Variants in FAM13A observed in about 807,000 individuals in gnomAD.
FAM13A encodes the protein protein FAM13A.
In FAM13A, 76 loss-of-function variants were observed where a neutral mutation model predicts 129.6. The observed-to-expected ratio is 0.59, with a 90% CI of 0.49 to 0.71. FAM13A has a LOEUF of 0.71. Among genes scored for constraint, FAM13A ranks in the 30% least tolerant of loss-of-function variants. FAM13A has a pLI of 0.00. For synonymous variants in FAM13A, 443 were observed against 449.9 expected (o/e 0.98, Z 0.20); for missense variants, 1,108 against 1,249.3 (o/e 0.89, Z 1.70).
intron 6 of FAM13A, among the ~76,000 whole-genome samples, chr4:88,895,084 T>C (rs978140781): frequency 3.3e-5 from 5 of 152,138 alleles, no homozygotes; most frequent in Non-Finnish European, 5.9e-5. Flanking sequence ...TGAAATACTA[T>C]GATTATTAGA....
At chr4:88,851,207 T>C (rs746933799) in intron 6 of FAM13A, 24 bp from the exon 7 acceptor site, 1 of 1,528,192 alleles carries the variant, frequency 6.5e-7, no homozygotes, top group South Asian at 1.3e-5. Flanking sequence ...AAAAGAGGGG[T>C]GGGGGAGAGC....
chr4:88,921,342 C>T (rs1751047854), intron 5 of FAM13A, among the ~76,000 whole-genome samples: 1 of 152,212 alleles, frequency 6.6e-6, no homozygotes, highest in Non-Finnish European at 1.5e-5. Context: ...ATCAGACTAA[C>T]AGCGGATCTC....
intron 8 of FAM13A, among the ~76,000 whole-genome samples, chr4:88,803,820 C>T (rs974593247): frequency 3.3e-5 from 5 of 152,200 alleles, no homozygotes; most frequent in Admixed American, 3.3e-4. Context: ...TTCGCTAAGC[C>T]TGAAGTCCTA....
intron 4 of FAM13A, among the ~76,000 whole-genome samples, chr4:88,970,685 C>T (rs184257497): frequency 6.7e-4 from 101 of 151,738 alleles, no homozygotes; most frequent in Admixed American, 3.3e-3. Context: ...TGCTAAATAA[C>T]GTAGAGGTTA....
intron 1 of FAM13A, among the ~76,000 whole-genome samples, chr4:89,037,695 T>C (rs1229760701): frequency 6.6e-6 from 1 of 152,176 alleles, no homozygotes; most frequent in African/African-American, 2.4e-5. Context: ...CATCTTGAAT[T>C]GTAATCCCCA....
At position 88,994,013 on chromosome 4, in the gene FAM13A, T is replaced by G. The variant is rs1579672119; in HGVS notation, c.428-2863A>C. Among the ~76,000 whole-genome samples, 5 of 151,762 alleles carry G rather than the reference T, an allele frequency of 3.3e-5. No individual in the cohort carries two copies. The East Asian group carries it at 9.7e-4, about 29-fold the overall frequency. ...CTCAAAAAAAAAAAAAAATCATTCA[T>G]GGCCTGAATGGAAGAATCACAAAAT... On this transcript the variant is annotated intron_variant, in intron 3 of 23. Coordinates refer to ENST00000264344, the MANE Select transcript of FAM13A (RefSeq NM_014883.4).
At chr4:88,948,020 A>G (rs908603074) in intron 4 of FAM13A, among the ~76,000 whole-genome samples, 3 of 152,192 alleles carry the variant, frequency 2.0e-5, no homozygotes, top group African/African-American at 7.2e-5. Context: ...CGCTCTTTAG[A>G]AGAACAATAA....
intron 6 of FAM13A, among the ~76,000 whole-genome samples, chr4:88,879,580 T>C (rs1299690446): frequency 1.3e-5 from 2 of 152,260 alleles, no homozygotes; most frequent in Admixed American, 6.5e-5. Context: ...CATCCTAGGG[T>C]TGTACTCACT....
intron 1 of FAM13A, among the ~76,000 whole-genome samples, chr4:89,053,628 G>A (rs1771871586): frequency 6.6e-6 from 1 of 152,050 alleles, no homozygotes; most frequent in South Asian, 2.1e-4. Context: ...CGAGGCCTGG[G>A]GCATTCTTGA....
intron 7 of FAM13A, among the ~76,000 whole-genome samples, chr4:88,821,191 C>T (rs1369970614): frequency 6.6e-6 from 1 of 152,192 alleles, no homozygotes; most frequent in Non-Finnish European, 1.5e-5. Flanking sequence ...GACAACCGCA[C>T]AAACCTGGTC....
intron 4 of FAM13A, among the ~76,000 whole-genome samples, chr4:88,975,589 T>C (rs1760792130): frequency 6.6e-6 from 1 of 152,212 alleles, no homozygotes; most frequent in Admixed American, 6.5e-5. Context: ...CCAAACTGCA[T>C]TACTAAAATA....
At chr4:88,776,351 G>A (rs1010116012) in intron 11 of FAM13A, among the ~76,000 whole-genome samples, 3 of 152,086 alleles carry the variant, frequency 2.0e-5, no homozygotes, top group African/African-American at 7.2e-5. Flanking sequence ...CACCACTTAC[G>A]TGTGACCTAG....
chr4:88,953,564 T>G (rs1238425902), intron 4 of FAM13A, among the ~76,000 whole-genome samples: 1 of 152,192 alleles, frequency 6.6e-6, no homozygotes, highest in African/African-American at 2.4e-5. Flanking sequence ...ATTCACATAG[T>G]GGTGAAACAG....
intron 4 of FAM13A, among the ~76,000 whole-genome samples, chr4:88,955,544 T>C (rs948214348): frequency 1.3e-5 from 2 of 152,146 alleles, no homozygotes; most frequent in African/African-American, 2.4e-5. Flanking sequence ...GACTTTGGAA[T>C]TGGTAACAGG....
chr4:88,921,030 C>T (rs369139527), intron 5 of FAM13A, among the ~76,000 whole-genome samples: 3 of 151,792 alleles, frequency 2.0e-5, no homozygotes, highest in African/African-American at 2.4e-5. Context: ...GAACAAAGCC[C>T]CCAAGAAATA....
intron 8 of FAM13A, among the ~76,000 whole-genome samples, chr4:88,801,539 G>A (rs979067704): frequency 3.3e-5 from 5 of 152,142 alleles, no homozygotes; most frequent in Admixed American, 3.3e-4. Context: ...ATGAGAAAAC[G>A]AAAAGAGAGG....
rs918253771 is a variant in FAM13A at position 88,979,889 on chromosome 4, T to G, written c.605+11084A>C. 2.6e-5 allele frequency among the ~76,000 whole-genome samples: 4 copies of G among 152,148 alleles called. No homozygotes were observed. The East Asian group carries it at 7.7e-4, about 29-fold the overall frequency. On this transcript the variant is annotated intron_variant, in intron 4 of 23. Coordinates refer to ENST00000264344, the MANE Select transcript of FAM13A (RefSeq NM_014883.4). ...GGGAGGCTGAGGCAGAAGAATCGCT[T>G]GAACCCGGGAGGTGGAAGTTGCAGT... is the stretch of plus-strand genomic sequence containing the variant.
intron 6 of FAM13A, among the ~76,000 whole-genome samples, chr4:88,892,718 G>A (rs544833181): frequency 1.3e-4 from 20 of 152,076 alleles, no homozygotes; most frequent in African/African-American, 4.1e-4. Context: ...TGCTATCACC[G>A]CTTTTACCTA....
chr4:88,813,625 C>T (rs1053126098), intron 7 of FAM13A, among the ~76,000 whole-genome samples: 1 of 152,106 alleles, frequency 6.6e-6, no homozygotes. Flanking sequence ...CATAATTTCC[C>T]AAACTGTTAA....
Sources: gnomAD v4.1 joint callset for allele counts (sites outside exome capture counted in the v4.1 genomes callset) on GRCh38, gnomAD v4.1.1 for gene constraint, MANE v1.5 for transcripts, NCBI Gene and HGNC (gene_info 2026-07-23, HGNC 2026-07-21) for gene names.